DPP10: variants seen among roughly 807,000 people sequenced by gnomAD.
The protein encoded by DPP10 is dipeptidyl peptidase like 10.
Under a neutral mutation model 120.9 loss-of-function variants are expected in DPP10, and 33 were observed. The ratio of observed to expected loss-of-function variants is 0.27; its 90% CI spans 0.21 to 0.37. The LOEUF (loss-of-function observed/expected upper bound fraction) is 0.37, where lower values mean the gene tolerates loss of function less well. Ranked by LOEUF, DPP10 falls within the 10% of genes least tolerant of loss-of-function variation. The pLI, the probability that DPP10 is intolerant of heterozygous loss-of-function variation, is 1.00. For synonymous variants in DPP10, 337 were observed against 326.1 expected (o/e 1.03, Z -0.36); for missense variants, 816 against 942.8 (o/e 0.87, Z 1.76).
intron 2 of DPP10, among the ~76,000 whole-genome samples, chr2:115,316,392 T>C (rs1401478833): frequency 6.6e-6 from 1 of 152,152 alleles, no homozygotes; most frequent in Non-Finnish European, 1.5e-5. Context: ...GAAAAATAAA[T>C]TTCCCCTTTA....
intron 1 of DPP10, among the ~76,000 whole-genome samples, chr2:114,622,822 T>G (rs144470506): frequency 1.3e-5 from 2 of 152,182 alleles, no homozygotes; most frequent in East Asian, 3.9e-4. Flanking sequence ...AAATGTCAAG[T>G]GACAGGGACA....
chr2:115,419,459 T>A (rs2069735467), intron 3 of DPP10, among the ~76,000 whole-genome samples: 1 of 152,100 alleles, frequency 6.6e-6, no homozygotes, highest in Non-Finnish European at 1.5e-5. Context: ...GATTATTTTA[T>A]AACCTGATTT....
chr2:115,320,164 C>CT (rs753411011), intron 2 of DPP10, among the ~76,000 whole-genome samples: 1 of 152,030 alleles, frequency 6.6e-6, no homozygotes, highest in Admixed American at 6.6e-5. Context: ...GACTTAAAGT[C>CT]TAATTTTTCT....
intron 3 of DPP10, among the ~76,000 whole-genome samples, chr2:115,394,216 C>T (rs1381547736): frequency 2.6e-5 from 4 of 151,886 alleles, no homozygotes; most frequent in African/African-American, 9.7e-5. Context: ...CTAGTAGAGC[C>T]TTAGTGTCTT....
chr2:115,386,878 G>A (rs1445520697), intron 3 of DPP10, among the ~76,000 whole-genome samples: 1 of 149,370 alleles, frequency 6.7e-6, no homozygotes, highest in African/African-American at 2.5e-5. Context: ...GTACATATTT[G>A]TTCATTACTT....
chr2:114,686,900 A>G (rs1290542337), intron 1 of DPP10, among the ~76,000 whole-genome samples: 2 of 151,956 alleles, frequency 1.3e-5, no homozygotes, highest in Non-Finnish European at 2.9e-5. Flanking sequence ...ATATCCAACT[A>G]TTGCAACCAG....
At chr2:115,538,358 T>C (rs1273963040) in intron 5 of DPP10, among the ~76,000 whole-genome samples, 1 of 152,028 alleles carries the variant, frequency 6.6e-6, no homozygotes, top group Non-Finnish European at 1.5e-5. Context: ...CATGGATCGA[T>C]CAGAAACCTA....
At chr2:115,028,008 A>C (rs1463466129) in intron 1 of DPP10, among the ~76,000 whole-genome samples, 1 of 151,938 alleles carries the variant, frequency 6.6e-6, no homozygotes, top group Non-Finnish European at 1.5e-5. Flanking sequence ...TAATCTTAGT[A>C]TAGTTATAGG....
intron 4 of DPP10, among the ~76,000 whole-genome samples, chr2:115,507,435 A>C (rs2077005901): frequency 6.6e-6 from 1 of 152,176 alleles, no homozygotes; most frequent in South Asian, 2.1e-4. Flanking sequence ...CTTGTTGAAA[A>C]ATAACATAGG....
intron 1 of DPP10, among the ~76,000 whole-genome samples, chr2:114,774,456 G>T (rs775793646): frequency 2.0e-5 from 3 of 151,490 alleles, no homozygotes; most frequent in South Asian, 2.1e-4. Flanking sequence ...GAATCATGAG[G>T]TAGGAGATTT....
intron 1 of DPP10, among the ~76,000 whole-genome samples, chr2:114,935,606 C>G (rs1001488136): frequency 1.3e-5 from 2 of 152,040 alleles, no homozygotes; most frequent in East Asian, 3.9e-4. Context: ...TTGGTGGCTG[C>G]CTTTTAAAAA....
At chr2:115,690,881 CAAT>C (rs1417326163) in intron 7 of DPP10, among the ~76,000 whole-genome samples, 2 of 152,168 alleles carry the variant, frequency 1.3e-5, no homozygotes, top group Non-Finnish European at 2.9e-5. Flanking sequence ...CACCTACCAG[CAAT>C]AATGAGAGCG....
At chr2:115,686,204 A>C (rs1468872608) in intron 5 of DPP10, among the ~76,000 whole-genome samples, 1 of 151,884 alleles carries the variant, frequency 6.6e-6, no homozygotes, top group Non-Finnish European at 1.5e-5. Context: ...CCCACCAGTC[A>C]CTTCTGCCCC....
intron 1 of DPP10, among the ~76,000 whole-genome samples, chr2:115,045,308 TTG>T (rs1704979708): frequency 6.6e-6 from 1 of 152,182 alleles, no homozygotes; most frequent in Non-Finnish European, 1.5e-5. Flanking sequence ...TGGAATGCCT[TTG>T]TGTGTTATTT....
At chr2:115,654,322 G>T (rs1441000766) in intron 5 of DPP10, among the ~76,000 whole-genome samples, 1 of 151,562 alleles carries the variant, frequency 6.6e-6, no homozygotes, top group Non-Finnish European at 1.5e-5. Context: ...AAAATTTGGA[G>T]GAATTAAACC....
intron 5 of DPP10, among the ~76,000 whole-genome samples, chr2:115,614,639 G>A (rs2084358625): frequency 6.6e-6 from 1 of 152,108 alleles, no homozygotes; most frequent in Non-Finnish European, 1.5e-5. Context: ...TGGCCAGGCT[G>A]GTCTGAAACT....
At chr2:114,950,809 T>A (rs917351079) in intron 1 of DPP10, among the ~76,000 whole-genome samples, 9 of 152,104 alleles carry the variant, frequency 5.9e-5, no homozygotes, top group African/African-American at 2.2e-4. Context: ...CACTAGAAAA[T>A]AAATGATATG....
At chr2:115,108,688 G>T (rs1381405529) in intron 1 of DPP10, among the ~76,000 whole-genome samples, 1 of 152,064 alleles carries the variant, frequency 6.6e-6, no homozygotes, top group African/African-American at 2.4e-5. Context: ...ATCCAACATA[G>T]CCACTTTTTC....
chr2:115,319,425 CT>C (rs1413969120), intron 2 of DPP10, among the ~76,000 whole-genome samples: 37 of 152,224 alleles, frequency 2.4e-4, no homozygotes, highest in African/African-American at 8.2e-4. Flanking sequence ...AGATAGTAAT[CT>C]TTTCTTGTAC....
Sources: allele counts gnomAD v4.1 joint callset (sites outside exome capture counted in the v4.1 genomes callset), GRCh38; gene constraint gnomAD v4.1.1; transcripts MANE v1.5; gene names NCBI Gene and HGNC (gene_info 2026-07-23, HGNC 2026-07-21).